The following GREB1L variants were observed in gnomAD, a reference collection of about 807,000 sequenced individuals.
The protein encoded by GREB1L is GREB1 like retinoic acid receptor coactivator.
In GREB1L, 17 loss-of-function variants were observed where a neutral mutation model predicts 200.8. The observed-to-expected ratio is 0.08, with a 90% confidence interval of 0.06 to 0.13. The LOEUF (loss-of-function observed/expected upper bound fraction) is 0.13, where lower values mean the gene tolerates loss of function less well. Among genes scored for constraint, GREB1L ranks in the 10% least tolerant of loss-of-function variants. The pLI, the probability that GREB1L is intolerant of heterozygous loss-of-function variation, is 1.00. For synonymous variants in GREB1L, 789 were observed against 893.0 expected, an observed-to-expected ratio of 0.88 and a Z score of 2.08; for missense variants, 1,657 against 2,367.7, an observed-to-expected ratio of 0.70 and a Z score of 6.23.
intron 15 of GREB1L, among the ~76,000 whole-genome samples, chr18:21,458,692 TATC>T (rs2034892373): frequency 6.6e-6 from 1 of 151,850 alleles, no homozygotes; most frequent in Admixed American, 6.6e-5. Context: ...CAAAACAAAA[TATC>T]ATGGACAGAA....
chr18:21,339,487 A>T (rs2039236838), intron 1 of GREB1L, among the ~76,000 whole-genome samples: 1 of 152,320 alleles, frequency 6.6e-6, no homozygotes, highest in South Asian at 2.1e-4. Context: ...TTCTGTGACT[A>T]TGGAGAATTT....
At chr18:21,329,788 G>A (rs760918226) in intron 1 of GREB1L, among the ~76,000 whole-genome samples, 7 of 152,026 alleles carry the variant, frequency 4.6e-5, no homozygotes, top group Non-Finnish European at 7.4e-5. Context: ...TGCTGCTGAG[G>A]GAACACTTTA....
At chr18:21,511,854 G>A (rs2037250748) in intron 27 of GREB1L, among the ~76,000 whole-genome samples, 1 of 152,106 alleles carries the variant, frequency 6.6e-6, no homozygotes, top group Non-Finnish European at 1.5e-5. Flanking sequence ...GTGTTGCTCA[G>A]GCTGCTCTCA....
intron 22 of GREB1L, 99 bp from the exon 23 acceptor site, chr18:21,500,441 C>A: frequency 1.1e-6 from 1 of 933,784 alleles, no homozygotes; most frequent in Non-Finnish European, 1.7e-6. Context: ...GCCTCTCAGG[C>A]AGGAGACACT....
chr18:21,418,102 A>G (rs2031818472), intron 7 of GREB1L, among the ~76,000 whole-genome samples: 2 of 152,130 alleles, frequency 1.3e-5, no homozygotes, highest in South Asian at 4.1e-4. Context: ...ATAATAATAT[A>G]TTTTGGGTTT....
chr18:21,505,343 C>A, intron 23 of GREB1L, 69 bp from the exon 24 acceptor site: 1 of 1,424,630 alleles, frequency 7.0e-7, no homozygotes. Flanking sequence ...CCCATAAAAG[C>A]CATTCTCTCT....
intron 7 of GREB1L, among the ~76,000 whole-genome samples, chr18:21,429,286 C>G (rs985900349): frequency 1.7e-5 from 2 of 118,928 alleles, no homozygotes; most frequent in African/African-American, 6.4e-5. Context: ...TCCTCTCCTC[C>G]CCTCCCCTCT....
In GREB1L at chr18:21,498,356, C is replaced by T. The variant is rs144020351; in HGVS notation, c.3392-1373C>T. On this transcript the variant is annotated intron_variant, in intron 21 of 32. Transcript: ENST00000424526. The stretch of plus-strand genomic sequence containing the variant: ...CTGCTCCCCCAGCCAGGGGTTAGGG[C>T]TGACCATGTGGACCACTCTGCCTGC... Among the ~76,000 whole-genome samples, 2 of 152,268 alleles carry T rather than the reference C, an allele frequency of 1.3e-5. 1 individual carries two copies. The highest frequency in any genetic ancestry group is 3.9e-4 in the East Asian group (2 of 5,170).
chr18:21,468,744 A>G (rs1243817152), intron 15 of GREB1L: 1 of 456,692 alleles, frequency 2.2e-6, no homozygotes, highest in Non-Finnish European at 4.4e-6. Flanking sequence ...CCAGGTTCAC[A>G]CATTGCATTC....
intron 1 of GREB1L, among the ~76,000 whole-genome samples, chr18:21,287,170 T>A (rs549744431): frequency 1.3e-5 from 2 of 152,152 alleles, no homozygotes; most frequent in Non-Finnish European, 2.9e-5. Flanking sequence ...GTTTTTTGTT[T>A]GTTTCGAAAA....
rs186798331 is a variant in GREB1L, at chr18:21,359,114, T to G, written c.-119-6913T>G. On this transcript the variant is annotated intron_variant, in intron 1 of 32. Coordinates refer to ENST00000424526, the MANE Select transcript of GREB1L (RefSeq NM_001142966.3). ...CTTGGCCATGGTTACTCGGGCAGAT[T>G]TGGGAACTGCACAACTTGAGTATCC... 9.2e-5 allele frequency among the ~76,000 whole-genome samples: 14 copies of G among 152,282 alleles called. No homozygotes were observed. The East Asian group carries it at 2.5e-3, about 27-fold the overall frequency.
intron 32 of GREB1L, among the ~76,000 whole-genome samples, chr18:21,521,744 C>T (rs2037602953): frequency 6.6e-6 from 1 of 151,952 alleles, no homozygotes; most frequent in South Asian, 2.1e-4. Context: ...TGGCTCACGC[C>T]TGTAATCCCA....
intron 1 of GREB1L, among the ~76,000 whole-genome samples, chr18:21,362,953 AG>A (rs1384919544): frequency 6.6e-6 from 1 of 152,212 alleles, no homozygotes; most frequent in African/African-American, 2.4e-5. Context: ...AGCCCTTCCC[AG>A]AATCCTCTTG....
chr18:21,295,391 G>C (rs140509925), intron 1 of GREB1L, among the ~76,000 whole-genome samples: 2 of 152,202 alleles, frequency 1.3e-5, no homozygotes, highest in Non-Finnish European at 2.9e-5. Flanking sequence ...CTTAGTGACT[G>C]GACAGAGGCT....
chr18:21,341,008 A>G (rs1321091389), intron 1 of GREB1L, among the ~76,000 whole-genome samples: 1 of 152,224 alleles, frequency 6.6e-6, no homozygotes, highest in Non-Finnish European at 1.5e-5. Context: ...AACACTATGA[A>G]GTAGGAGATA....
At chr18:21,344,080 T>C (rs2039308120) in intron 1 of GREB1L, among the ~76,000 whole-genome samples, 1 of 152,118 alleles carries the variant, frequency 6.6e-6, no homozygotes, top group Admixed American at 6.5e-5. Context: ...CAGCCTGGAT[T>C]GTTAACTCCA....
chr18:21,426,391 G>A (rs1297832025), intron 7 of GREB1L, among the ~76,000 whole-genome samples: 2 of 152,136 alleles, frequency 1.3e-5, no homozygotes, highest in African/African-American at 4.8e-5. Context: ...TGAGGAAGAG[G>A]TTCAACTTCA....
At chr18:21,432,422 C>T (rs967574540) in intron 7 of GREB1L, among the ~76,000 whole-genome samples, 1 of 151,484 alleles carries the variant, frequency 6.6e-6, no homozygotes, top group African/African-American at 2.4e-5. Context: ...TCCATATTTT[C>T]TATTATCTTT....
intron 6 of GREB1L, among the ~76,000 whole-genome samples, chr18:21,402,517 C>T (rs2041361618): frequency 7.1e-6 from 1 of 141,658 alleles, no homozygotes; most frequent in Non-Finnish European, 1.5e-5. Flanking sequence ...TTTTCCTTTC[C>T]TTTCCCCTTC....
Sources: gnomAD v4.1 joint callset for allele counts (sites outside exome capture counted in the v4.1 genomes callset) on GRCh38, gnomAD v4.1.1 for gene constraint, MANE v1.5 for transcripts, NCBI Gene and HGNC (gene_info 2026-07-23, HGNC 2026-07-21) for gene names.